The following GALNTL6 variants were observed in gnomAD, a reference collection of about 807,000 sequenced individuals.
GALNTL6 encodes the protein polypeptide N-acetylgalactosaminyltransferase like 6, also known as polypeptide N-acetylgalactosaminyltransferase-like 6.
GALNTL6 carries 46 observed loss-of-function variants against 73.7 expected under a neutral mutation model. That is an observed-to-expected ratio of 0.62 (90% CI 0.49 to 0.80). The LOEUF is 0.80. Among genes scored for constraint, GALNTL6 ranks in the 30% least tolerant of loss-of-function variants. The pLI is 0.00. For synonymous variants in GALNTL6, 259 were observed against 263.7 expected, an observed-to-expected ratio of 0.98 and a Z score of 0.17; for missense variants, 604 against 755.0, an observed-to-expected ratio of 0.80 and a Z score of 2.34.
chr4:172,943,843 A>G (rs893527807), intron 9 of GALNTL6, among the ~76,000 whole-genome samples: 1 of 152,252 alleles, frequency 6.6e-6, no homozygotes, highest in Admixed American at 6.5e-5. Flanking sequence ...GGATTCTTCA[A>G]ATGGTCAGTT....
At chr4:172,180,314 T>A (rs11943467) in intron 2 of GALNTL6, among the ~76,000 whole-genome samples, 9 of 151,982 alleles carry the variant, frequency 5.9e-5, no homozygotes, top group Non-Finnish European at 1.3e-4. Context: ...TCTTGTAAAT[T>A]TGTTTAAGTT....
At chr4:171,965,803 TGTTCAGGAATAA>T (rs1739368355) in intron 2 of GALNTL6, among the ~76,000 whole-genome samples, 1 of 152,154 alleles carries the variant, frequency 6.6e-6, no homozygotes, top group Non-Finnish European at 1.5e-5. Context: ...GAGGGAATGG[TGTTCAGGAATAA>T]GTTCAGAGAA....
intron 5 of GALNTL6, among the ~76,000 whole-genome samples, chr4:172,780,654 A>T (rs1431660075): frequency 6.6e-6 from 1 of 152,198 alleles, no homozygotes; most frequent in African/African-American, 2.4e-5. Flanking sequence ...GTCAGTGTGG[A>T]TGATGGAAAT....
chr4:172,887,010 T>G (rs1355095692), intron 8 of GALNTL6, among the ~76,000 whole-genome samples: 2 of 152,128 alleles, frequency 1.3e-5, no homozygotes, highest in Admixed American at 1.3e-4. Context: ...TAGTGATCAG[T>G]GACTTTTGTT....
intron 5 of GALNTL6, among the ~76,000 whole-genome samples, chr4:172,349,843 A>ATT (rs200830495): frequency 0.027 from 2,167 of 79,674 alleles, 59 homozygotes; most frequent in African/African-American, 0.063. Context: ...ATATATATAT[A>ATT]TATTTTTTTT....
chr4:172,218,031 A>G (rs746982206), intron 2 of GALNTL6, among the ~76,000 whole-genome samples: 6 of 152,004 alleles, frequency 3.9e-5, no homozygotes, highest in Non-Finnish European at 7.4e-5. Context: ...CACCGTTTTT[A>G]TACTGTAACC....
chr4:172,112,125 T>G (rs1732868268), intron 2 of GALNTL6, among the ~76,000 whole-genome samples: 1 of 152,048 alleles, frequency 6.6e-6, no homozygotes, highest in Non-Finnish European at 1.5e-5. Context: ...TTATGTTTTT[T>G]CCAAAATGTC....
At chr4:172,041,657 A>T (rs1353845279) in intron 2 of GALNTL6, among the ~76,000 whole-genome samples, 3 of 152,100 alleles carry the variant, frequency 2.0e-5, no homozygotes, top group Non-Finnish European at 2.9e-5. Context: ...TTAAATAAAC[A>T]CATTGATTAC....
intron 7 of GALNTL6, among the ~76,000 whole-genome samples, chr4:172,827,661 A>G (rs985514717): frequency 1.7e-4 from 26 of 152,160 alleles, no homozygotes; most frequent in Non-Finnish European, 3.1e-4. Flanking sequence ...TGCTCTTGCA[A>G]ATGAAAGCTC....
intron 2 of GALNTL6, among the ~76,000 whole-genome samples, chr4:172,163,859 C>T (rs1276649697): frequency 6.6e-6 from 1 of 151,860 alleles, no homozygotes; most frequent in Non-Finnish European, 1.5e-5. Context: ...GACACAGGTA[C>T]ACGTGTCTAT....
chr4:172,978,640 C>T (rs1413030141), intron 10 of GALNTL6, among the ~76,000 whole-genome samples: 7 of 152,138 alleles, frequency 4.6e-5, no homozygotes, highest in Non-Finnish European at 8.8e-5. Flanking sequence ...AAATAAAATT[C>T]CATATTGAAA....
intron 5 of GALNTL6, among the ~76,000 whole-genome samples, chr4:172,598,609 T>G (rs182361690): frequency 6.6e-6 from 1 of 152,268 alleles, no homozygotes; most frequent in African/African-American, 2.4e-5. Context: ...CTACAAACAT[T>G]TCTAAATTTA....
chr4:172,142,999 GGATA>G (rs893239296), intron 2 of GALNTL6, among the ~76,000 whole-genome samples: 25 of 151,878 alleles, frequency 1.6e-4, no homozygotes, highest in South Asian at 4.2e-4. Context: ...ATGTATGTAT[GGATA>G]GATAGATAGA....
intron 2 of GALNTL6, among the ~76,000 whole-genome samples, chr4:172,214,850 C>T (rs1736447043): frequency 6.6e-6 from 1 of 152,062 alleles, no homozygotes. Context: ...TAGGCTTTAA[C>T]TGCTCTTCTC....
At chr4:172,160,374 T>C (rs1245363914) in intron 2 of GALNTL6, among the ~76,000 whole-genome samples, 3 of 151,722 alleles carry the variant, frequency 2.0e-5, no homozygotes, top group African/African-American at 7.3e-5. Context: ...CAGAGAGCGA[T>C]AGCATAGGGC....
rs1041416918 is a variant in GALNTL6 at position 172,655,273 on chromosome 4, T to C, written c.554-154088T>C. Reference sequence around the variant, plus strand: ...TGATGGTTGTTGTTGTGTGTGTGCCTTTAAGATAATCATTTTTAATGCCAT... The same window carrying C: ...TGATGGTTGTTGTTGTGTGTGTGCCCTTAAGATAATCATTTTTAATGCCAT... On this transcript the variant is annotated intron_variant, in intron 5 of 12. Transcript: ENST00000506823. 7.2e-5 allele frequency among the ~76,000 whole-genome samples: 11 copies of C among 152,216 alleles called. 1 individual carries two copies. Among genetic ancestry groups the C allele is most frequent in the Admixed American group, 3.9e-4 (6 of 15,288 alleles).
chr4:172,109,190 T>G, intron 2 of GALNTL6, among the ~76,000 whole-genome samples: 1 of 152,330 alleles, frequency 6.6e-6, no homozygotes, highest in East Asian at 1.9e-4. Context: ...ATTTTGTCTC[T>G]TTTAGTTCTA....
chr4:172,060,592 A>C (rs184710320), intron 2 of GALNTL6, among the ~76,000 whole-genome samples: 48 of 152,270 alleles, frequency 3.2e-4, no homozygotes, highest in African/African-American at 1.1e-3. Flanking sequence ...TGAAAAAAAA[A>C]CAAAAGTTAC....
chr4:171,945,204 T>A (rs1738667179), intron 2 of GALNTL6, among the ~76,000 whole-genome samples: 1 of 152,110 alleles, frequency 6.6e-6, no homozygotes, highest in Non-Finnish European at 1.5e-5. Context: ...ATATTTAGAT[T>A]CTAAAATTTA....
Sources: allele counts gnomAD v4.1 joint callset (sites outside exome capture counted in the v4.1 genomes callset), GRCh38; gene constraint gnomAD v4.1.1; transcripts MANE v1.5; gene names NCBI Gene and HGNC (gene_info 2026-07-23, HGNC 2026-07-21).